SNTG1: variants seen among roughly 807,000 people sequenced by gnomAD.
SNTG1 encodes the protein syntrophin gamma 1, also known as gamma-1-syntrophin.
A neutral mutation model predicts 74.7 loss-of-function variants in SNTG1; 39 were observed. That is an observed-to-expected ratio of 0.52 (90% CI 0.40 to 0.68). The LOEUF (loss-of-function observed/expected upper bound fraction) is 0.68. Ranked by LOEUF, SNTG1 falls within the 30% of genes least tolerant of loss-of-function variation. SNTG1 has a pLI of 0.00. For synonymous variants in SNTG1, 254 were observed against 217.1 expected (o/e 1.17, Z -1.49); for missense variants, 685 against 609.5 (o/e 1.12, Z -1.30).
intron 8 of SNTG1, among the ~76,000 whole-genome samples, chr8:50,473,246 C>T (rs2093667571): frequency 6.6e-6 from 1 of 152,130 alleles, no homozygotes; most frequent in African/African-American, 2.4e-5. Context: ...TCATTTGGCA[C>T]TTCTCCTTCC....
chr8:49,912,801 C>G (rs1024786488), intron 1 of SNTG1, among the ~76,000 whole-genome samples: 1 of 152,150 alleles, frequency 6.6e-6, no homozygotes, highest in Non-Finnish European at 1.5e-5. Flanking sequence ...CTCTTTCCAG[C>G]CTTTGAAAGC....
Position 50,379,231 on chromosome 8 carries a change from G to T in SNTG1, c.-27-14981G>T, listed in dbSNP as rs573036271. Among the ~76,000 whole-genome samples, 9 of 152,312 alleles carry T rather than the reference G, an allele frequency of 5.9e-5. No homozygotes were observed. The East Asian group carries it at 1.4e-3, about 23-fold the overall frequency. On this transcript the variant is annotated intron_variant, in intron 2 of 18. Transcript: ENST00000642720. ...CTGGGTGGGCTTCGACGGCATCTGG[G>T]CTTGGCCCCGACTTTGCTCCGAGAT...
At chr8:50,281,401 A>G (rs2088446355) in intron 2 of SNTG1, among the ~76,000 whole-genome samples, 1 of 152,176 alleles carries the variant, frequency 6.6e-6, no homozygotes, top group Non-Finnish European at 1.5e-5. Context: ...AGGACTTAGA[A>G]TTATATTTTT....
At chr8:49,995,019 A>G (rs985289080) in intron 1 of SNTG1, among the ~76,000 whole-genome samples, 1 of 152,206 alleles carries the variant, frequency 6.6e-6, no homozygotes, top group Admixed American at 6.5e-5. Context: ...GTTGAGTCCA[A>G]TGGTAAGATG....
intron 1 of SNTG1, among the ~76,000 whole-genome samples, chr8:50,010,096 G>A (rs1815630175): frequency 6.6e-6 from 1 of 151,880 alleles, no homozygotes; most frequent in Non-Finnish European, 1.5e-5. Context: ...TGATTTTCTT[G>A]TAATCAGTTT....
chr8:49,938,522 G>C (rs1304864740), intron 1 of SNTG1, among the ~76,000 whole-genome samples: 1 of 149,212 alleles, frequency 6.7e-6, no homozygotes, highest in Non-Finnish European at 1.5e-5. Flanking sequence ...ATTTCTCTTT[G>C]TCCCTCCCTA....
chr8:50,606,783 G>A (rs771922023), intron 13 of SNTG1, among the ~76,000 whole-genome samples: 1 of 151,842 alleles, frequency 6.6e-6, no homozygotes, highest in Non-Finnish European at 1.5e-5. Flanking sequence ...CAGAATAAAT[G>A]TTCAACTGTG....
At chr8:50,770,937 G>A (rs2095625552) in intron 18 of SNTG1, among the ~76,000 whole-genome samples, 1 of 152,046 alleles carries the variant, frequency 6.6e-6, no homozygotes, top group Non-Finnish European at 1.5e-5. Flanking sequence ...CACCAGATGT[G>A]GCTGCCCAAC....
chr8:50,450,872 T>A (rs1222751215), intron 8 of SNTG1, 143 bp downstream of exon 8: 2 of 798,010 alleles, frequency 2.5e-6, no homozygotes, highest in African/African-American at 1.7e-5. Flanking sequence ...TTCTCTTAAT[T>A]TTTTTTTAAA....
intron 9 of SNTG1, among the ~76,000 whole-genome samples, chr8:50,523,969 T>C (rs1199886062): frequency 6.6e-6 from 1 of 152,172 alleles, no homozygotes; most frequent in East Asian, 1.9e-4. Flanking sequence ...CACTTAACAT[T>C]TAAATAATTG....
intron 4 of SNTG1, among the ~76,000 whole-genome samples, chr8:50,432,120 T>C (rs1364020774): frequency 1.3e-5 from 2 of 152,184 alleles, no homozygotes; most frequent in Non-Finnish European, 2.9e-5. Flanking sequence ...ATGGGTTTTC[T>C]CCTGTATTCT....
chr8:49,976,118 G>A lies in SNTG1; in HGVS notation c.-103+63887G>A, dbSNP rs572095835. Among the ~76,000 whole-genome samples, 544 of 152,140 alleles carry A rather than the reference G, an allele frequency of 3.6e-3. 3 individuals carry two copies. The highest frequency in any genetic ancestry group is 0.013 in the African/African-American group (519 of 41,502). On this transcript the variant is annotated intron_variant, in intron 1 of 18. Transcript: ENST00000642720. Reference sequence around the variant, plus strand: ...ATGCATGTCTCAATTTACCCCAGAAGCAATATTCATCCAGAGGTACCTTGC... The same window carrying A: ...ATGCATGTCTCAATTTACCCCAGAAACAATATTCATCCAGAGGTACCTTGC...
chr8:50,451,344 C>T (rs1357299455), intron 8 of SNTG1, among the ~76,000 whole-genome samples: 1 of 152,116 alleles, frequency 6.6e-6, no homozygotes, highest in Non-Finnish European at 1.5e-5. Flanking sequence ...GGGACTTGAG[C>T]ATCCACGGGT....
chr8:50,257,412 G>A (rs2086939148), intron 2 of SNTG1, among the ~76,000 whole-genome samples: 1 of 152,094 alleles, frequency 6.6e-6, no homozygotes, highest in African/African-American at 2.4e-5. Flanking sequence ...CCCATGTGTG[G>A]TGCAGAGTTT....
chr8:50,027,828 G>A (rs1436544304), intron 1 of SNTG1, among the ~76,000 whole-genome samples: 1 of 152,058 alleles, frequency 6.6e-6, no homozygotes, highest in African/African-American at 2.4e-5. Context: ...ATTGATTTTT[G>A]TTCACCTTCT....
chr8:50,642,132 T>C (rs1585930407), intron 13 of SNTG1, among the ~76,000 whole-genome samples: 1 of 152,306 alleles, frequency 6.6e-6, no homozygotes, highest in South Asian at 2.1e-4. Flanking sequence ...CCTCCATTCT[T>C]CTGATTGCAA....
chr8:49,940,993 C>T (rs111476380), intron 1 of SNTG1, among the ~76,000 whole-genome samples: 1 of 152,158 alleles, frequency 6.6e-6, no homozygotes. Flanking sequence ...ACTGTTGGAA[C>T]AGCCCTTGCC....
At chr8:50,109,175 G>A (rs978398213) in intron 1 of SNTG1, among the ~76,000 whole-genome samples, 2 of 152,056 alleles carry the variant, frequency 1.3e-5, no homozygotes, top group African/African-American at 4.8e-5. Context: ...GCATACCACA[G>A]GAATCAAAAG....
chr8:50,580,809 T>C (rs1454104418), intron 12 of SNTG1, among the ~76,000 whole-genome samples: 1 of 152,106 alleles, frequency 6.6e-6, no homozygotes, highest in Admixed American at 6.5e-5. Flanking sequence ...GGTATGTCTT[T>C]ATCAATAGAG....
Sources: gnomAD v4.1 joint callset for allele counts (sites outside exome capture counted in the v4.1 genomes callset) on GRCh38, gnomAD v4.1.1 for gene constraint, MANE v1.5 for transcripts, NCBI Gene and HGNC (gene_info 2026-07-23, HGNC 2026-07-21) for gene names.